The following VAV3 variants were observed in gnomAD, a reference collection of about 807,000 sequenced individuals.
VAV3 encodes the protein vav guanine nucleotide exchange factor 3.
VAV3 carries 94 observed loss-of-function variants against 131.2 expected under a neutral mutation model. That is an observed-to-expected ratio of 0.72 (90% CI 0.61 to 0.85). The LOEUF (loss-of-function observed/expected upper bound fraction) is 0.85. VAV3 is among the 40% of genes least tolerant of loss of function. The pLI is 0.00. For missense variants in VAV3, 939 were observed against 1,002.7 expected, an observed-to-expected ratio of 0.94 and a Z score of 0.86; for synonymous variants, 349 against 342.0, an observed-to-expected ratio of 1.02 and a Z score of -0.22.
Position 107,602,499 on chromosome 1 carries a change from T to A in VAV3, c.2133-15A>T, listed in dbSNP as rs765425486. 5.2e-6 allele frequency: 8 copies of A among 1,544,056 alleles called. No individual in the cohort carries two copies. Among genetic ancestry groups the A allele is most frequent in the Non-Finnish European group, 7.0e-6 (8 of 1,149,456 alleles). ...CATTATTGTACCTGTGGGCAATGAA[T>A]AACTTATGAATATAAATGTGTTTTT... On this transcript the variant is annotated splice_polypyrimidine_tract_variant and intron_variant, in intron 23 of 26. Coordinates refer to ENST00000370056, the MANE Select transcript of VAV3 (RefSeq NM_006113.5).
chr1:107,888,216 T>A (rs933434099), intron 1 of VAV3, among the ~76,000 whole-genome samples: 24 of 152,164 alleles, frequency 1.6e-4, no homozygotes, highest in Admixed American at 2.0e-4. Flanking sequence ...GTAGTGCAAC[T>A]AAAAACAAAG....
chr1:107,823,861 T>C (rs903290044), intron 2 of VAV3, among the ~76,000 whole-genome samples: 3 of 152,116 alleles, frequency 2.0e-5, no homozygotes, highest in African/African-American at 7.2e-5. Context: ...TGAGAAGACA[T>C]AGTGAGGAGG....
At chr1:107,880,073 G>C (rs999965253) in intron 1 of VAV3, among the ~76,000 whole-genome samples, 3 of 152,166 alleles carry the variant, frequency 2.0e-5, no homozygotes, top group Non-Finnish European at 4.4e-5. Flanking sequence ...ATACTCAAAG[G>C]CTTATTATAG....
chr1:107,728,098 A>AAC (rs1661961547), intron 15 of VAV3, among the ~76,000 whole-genome samples: 1 of 152,140 alleles, frequency 6.6e-6, no homozygotes, highest in Non-Finnish European at 1.5e-5. Flanking sequence ...ATTAATGTCA[A>AAC]ACAGATGGTG....
At chr1:107,946,670 C>CA (rs1674277163) in intron 1 of VAV3, among the ~76,000 whole-genome samples, 1 of 152,198 alleles carries the variant, frequency 6.6e-6, no homozygotes, top group African/African-American at 2.4e-5. Context: ...ACTGATTCCA[C>CA]AAATAAGGAG....
At chr1:107,947,406 A>G (rs1230805245) in intron 1 of VAV3, among the ~76,000 whole-genome samples, 1 of 152,056 alleles carries the variant, frequency 6.6e-6, no homozygotes. Flanking sequence ...GTTCCAAAAG[A>G]ACTGTGAGGA....
chr1:107,602,372 T>C (rs749444215), intron 24 of VAV3, 25 bp downstream of exon 24: 11 of 1,465,066 alleles, frequency 7.5e-6, no homozygotes, highest in Middle Eastern at 1.9e-4. Flanking sequence ...GGATCCCAGA[T>C]TGAAAAGAAA....
chr1:107,609,686 G>T (rs1422574551), intron 22 of VAV3: 3 of 411,016 alleles, frequency 7.3e-6, no homozygotes, highest in African/African-American at 4.0e-5. Flanking sequence ...TTCTGTGGCT[G>T]GTATAAACTT....
intron 19 of VAV3, among the ~76,000 whole-genome samples, chr1:107,664,527 T>G (rs1156476900): frequency 2.6e-5 from 4 of 152,184 alleles, no homozygotes; most frequent in Non-Finnish European, 5.9e-5. Flanking sequence ...GGTTAAAGAA[T>G]TTTCACACCA....
chr1:107,601,091 G>A (rs1007285164), intron 24 of VAV3, among the ~76,000 whole-genome samples: 2 of 152,020 alleles, frequency 1.3e-5, no homozygotes, highest in African/African-American at 2.4e-5. Context: ...TTCATTATTT[G>A]TGCATCCACT....
At chr1:107,893,212 T>C (rs1207030160) in intron 1 of VAV3, among the ~76,000 whole-genome samples, 1 of 152,194 alleles carries the variant, frequency 6.6e-6, no homozygotes, top group Non-Finnish European at 1.5e-5. Flanking sequence ...TCAGCAAGAT[T>C]ATATAATAAC....
At chr1:107,682,343 C>A (rs764222090) in intron 19 of VAV3, among the ~76,000 whole-genome samples, 2 of 152,040 alleles carry the variant, frequency 1.3e-5, no homozygotes, top group Admixed American at 6.6e-5. Flanking sequence ...TACTATAACT[C>A]ACACAAAATA....
In VAV3 at chr1:107,877,393, G is replaced by T. The variant is rs147284385; in HGVS notation, c.205-2376C>A. On this transcript the variant is annotated intron_variant, in intron 1 of 26. Coordinates refer to ENST00000370056, the MANE Select transcript of VAV3 (RefSeq NM_006113.5). Reference sequence around the variant, plus strand: ...AACAAAGCATAATTGCACACACCACGCTCTGAAGATTTCCCACCAAACTCA... The same window carrying T: ...AACAAAGCATAATTGCACACACCACTCTCTGAAGATTTCCCACCAAACTCA... 4.1e-3 allele frequency among the ~76,000 whole-genome samples: 624 copies of T among 152,174 alleles called. 5 individuals are homozygous for T. The highest frequency in any genetic ancestry group is 0.014 in the African/African-American group (586 of 41,510).
chr1:107,621,734 T>A (rs1000544715), intron 20 of VAV3, among the ~76,000 whole-genome samples: 2 of 152,156 alleles, frequency 1.3e-5, no homozygotes. Context: ...TAGGGAATCA[T>A]CTTTTAGTTA....
At chr1:107,667,013 G>A (rs947891695) in intron 19 of VAV3, among the ~76,000 whole-genome samples, 1 of 152,146 alleles carries the variant, frequency 6.6e-6, no homozygotes, top group Non-Finnish European at 1.5e-5. Flanking sequence ...AGCTTGTACT[G>A]CTGCCTCTGC....
At chr1:107,931,239 G>A (rs1011262699) in intron 1 of VAV3, among the ~76,000 whole-genome samples, 3 of 152,084 alleles carry the variant, frequency 2.0e-5, no homozygotes, top group African/African-American at 7.2e-5. Flanking sequence ...ATGGCATTCT[G>A]ACTATTTAGG....
At chr1:107,730,264 T>C (rs1557800599) in intron 15 of VAV3, among the ~76,000 whole-genome samples, 1 of 152,300 alleles carries the variant, frequency 6.6e-6, no homozygotes, top group East Asian at 1.9e-4. Context: ...CAGCAACTTA[T>C]GTAAAAACAT....
At chr1:107,794,727 G>A (rs1030846081) in intron 2 of VAV3, among the ~76,000 whole-genome samples, 23 of 152,132 alleles carry the variant, frequency 1.5e-4, no homozygotes, top group Non-Finnish European at 2.9e-5. Context: ...ATTTTGCAAC[G>A]AACAAGGAGC....
At chr1:107,770,526 T>A in intron 6 of VAV3, 110 bp downstream of exon 6, 1 of 746,578 alleles carries the variant, frequency 1.3e-6, no homozygotes, top group African/African-American at 1.8e-5. Context: ...AGTACAAAGT[T>A]CTCCTAAAAA....
Sources: allele counts gnomAD v4.1 joint callset (sites outside exome capture counted in the v4.1 genomes callset), GRCh38; gene constraint gnomAD v4.1.1; transcripts MANE v1.5; gene names NCBI Gene and HGNC (gene_info 2026-07-23, HGNC 2026-07-21).